COL19A1: variants seen among roughly 807,000 people sequenced by gnomAD.
The protein encoded by COL19A1 is collagen alpha-1(XIX) chain.
A neutral mutation model predicts 190.2 loss-of-function variants in COL19A1; 159 were observed. The ratio of observed to expected loss-of-function variants is 0.84; its 90% CI spans 0.73 to 0.95. COL19A1 has a LOEUF of 0.95. Among genes scored for constraint, COL19A1 ranks in the 40% least tolerant of loss-of-function variants. The pLI, the probability that COL19A1 is intolerant of heterozygous loss-of-function variation, is 0.00. For missense variants in COL19A1, 1,418 were observed against 1,431.9 expected (o/e 0.99, Z 0.16); for synonymous variants, 509 against 458.9 (o/e 1.11, Z -1.39).
At chr6:70,089,671 G>A (rs755764842) in intron 15 of COL19A1, among the ~76,000 whole-genome samples, 2 of 152,138 alleles carry the variant, frequency 1.3e-5, no homozygotes, top group Non-Finnish European at 2.9e-5. Flanking sequence ...GATGACATAT[G>A]CTTCAGACAC....
intron 11 of COL19A1, among the ~76,000 whole-genome samples, chr6:69,999,073 C>T (rs930538370): frequency 1.3e-5 from 2 of 151,464 alleles, no homozygotes; most frequent in African/African-American, 4.9e-5. Flanking sequence ...CACAGGTGCA[C>T]ACCACCACAC....
At chr6:70,179,741 T>C (rs945308510) in intron 42 of COL19A1, among the ~76,000 whole-genome samples, 7 of 152,116 alleles carry the variant, frequency 4.6e-5, no homozygotes, top group Non-Finnish European at 8.8e-5. Context: ...GCTAATATTT[T>C]CAAAAATATT....
At chr6:69,945,548 T>A (rs950406643) in intron 9 of COL19A1, among the ~76,000 whole-genome samples, 1 of 151,930 alleles carries the variant, frequency 6.6e-6, no homozygotes, top group Non-Finnish European at 1.5e-5. Flanking sequence ...TAGTAATAAC[T>A]TTACAGAAGT....
At chr6:70,142,999 C>T (rs761480253) in intron 23 of COL19A1, among the ~76,000 whole-genome samples, 179 bp downstream of exon 23, 2 of 152,118 alleles carry the variant, frequency 1.3e-5, no homozygotes, top group Non-Finnish European at 2.9e-5. Context: ...CTAGACCCTT[C>T]ATATAATCAT....
intron 41 of COL19A1, 94 bp from the exon 42 acceptor site, chr6:70,176,426 C>T (rs1000560480): frequency 7.5e-7 from 1 of 1,336,320 alleles, no homozygotes; most frequent in African/African-American, 1.5e-5. Flanking sequence ...CAAAGGAAAG[C>T]TTTACCAAAT....
chr6:70,052,729 C>T (rs1277565304), intron 14 of COL19A1, among the ~76,000 whole-genome samples: 1 of 152,092 alleles, frequency 6.6e-6, no homozygotes, highest in East Asian at 1.9e-4. Context: ...CCTGAATCCC[C>T]AGTAATGGAT....
At chr6:70,172,989 A>T (rs1277402973) in intron 41 of COL19A1, among the ~76,000 whole-genome samples, 2 of 152,220 alleles carry the variant, frequency 1.3e-5, no homozygotes, top group Non-Finnish European at 2.9e-5. Context: ...TGAAGGTAGC[A>T]CTGATAGGAT....
intron 40 of COL19A1, among the ~76,000 whole-genome samples, chr6:70,171,149 T>C (rs991987177): frequency 2.6e-5 from 4 of 152,172 alleles, no homozygotes; most frequent in African/African-American, 9.7e-5. Context: ...TTAGGAGATC[T>C]TTTTGTGTGT....
At chr6:70,205,429 G>A (rs894009148) in intron 49 of COL19A1, among the ~76,000 whole-genome samples, 2 of 152,190 alleles carry the variant, frequency 1.3e-5, no homozygotes, top group African/African-American at 2.4e-5. Context: ...CTCCTGCCAT[G>A]TTCTACTGTA....
rs1779328836 is a variant in COL19A1, at chr6:70,035,903, G to A, written c.1135-1G>A. 1.2e-6 allele frequency: 2 copies of A among 1,612,992 alleles called. No homozygotes were observed. ...TGTAGCTTTTCTTTAATCTATTTTAGGGAGATACAGGACCCCCAGGACCAC... is the reference window on the plus strand; with the variant it reads ...TGTAGCTTTTCTTTAATCTATTTTAAGGAGATACAGGACCCCCAGGACCAC... On this transcript the variant is annotated splice_acceptor_variant, in intron 13 of 50. Coordinates refer to ENST00000620364, the MANE Select transcript of COL19A1 (RefSeq NM_001858.6). LOFTEE classifies it high-confidence loss of function.
chr6:70,103,124 C>T (rs1178549084), intron 16 of COL19A1, among the ~76,000 whole-genome samples: 1 of 152,140 alleles, frequency 6.6e-6, no homozygotes, highest in Non-Finnish European at 1.5e-5. Flanking sequence ...AGTATCTCCA[C>T]TTGGAAGTCT....
intron 10 of COL19A1, among the ~76,000 whole-genome samples, 174 bp from the exon 11 acceptor site, chr6:69,962,651 GT>G (rs1350071905): frequency 2.6e-5 from 4 of 152,048 alleles, no homozygotes; most frequent in Non-Finnish European, 4.4e-5. Flanking sequence ...TGTTCCTTTA[GT>G]ATTTAGAAAT....
At chr6:70,063,717 G>A (rs12197024) in intron 14 of COL19A1, among the ~76,000 whole-genome samples, 48,292 of 151,742 alleles carry the variant, frequency 0.32, 9,719 homozygotes, top group Non-Finnish European at 0.44. Context: ...AAGATCAACA[G>A]AATTGATAGA....
At chr6:70,074,495 C>A (rs1290863311) in intron 15 of COL19A1, among the ~76,000 whole-genome samples, 2 of 69,082 alleles carry the variant, frequency 2.9e-5, no homozygotes, top group African/African-American at 2.4e-4. Context: ...CAAGACTCCA[C>A]CTCAAAAAAA....
chr6:69,921,053 T>TC lies in COL19A1; in HGVS notation c.267-6856_267-6855insC, dbSNP rs1561996558. Among the ~76,000 whole-genome samples the TC allele has an allele frequency of 3.7e-4, 17 of 45,594 alleles. 1 individual carries two copies. The highest frequency in any genetic ancestry group is 7.3e-4 in the Non-Finnish European group (16 of 21,866). The allele number at this position is 45,594 out of a possible 152,430, so 29.9% of individuals were successfully genotyped here. A position where few individuals can be genotyped will look rare whatever the true frequency, so the allele number is the denominator to read the frequency against. Reference sequence around the variant, plus strand: ...TATATATCATATATATTCATAGACATATCATATATATTCATAGACATATCA... The same window carrying TC: ...TATATATCATATATATTCATAGACATCATCATATATATTCATAGACATATCA... On this transcript the variant is annotated intron_variant, in intron 4 of 50. Transcript: ENST00000620364.
intron 34 of COL19A1, among the ~76,000 whole-genome samples, chr6:70,158,502 C>A (rs1030956888): frequency 2.6e-5 from 4 of 151,996 alleles, no homozygotes; most frequent in Admixed American, 6.6e-5. Context: ...GAGGAGTTGC[C>A]TGCTTGTTTG....
chr6:69,883,567 TA>T (rs1768708388), intron 2 of COL19A1, among the ~76,000 whole-genome samples: 1 of 152,230 alleles, frequency 6.6e-6, no homozygotes, highest in African/African-American at 2.4e-5. Context: ...ATATAAGTTA[TA>T]ACTTGACCAG....
In COL19A1 at chr6:69,927,896, T is replaced by C. The variant is rs1772499657; in HGVS notation, c.267-13T>C. ...CAGTTTCCCCACAAAAGTTCTTTGT[T>C]TTCCTCCCACAGTAAGATATTTCCC... On this transcript the variant is annotated splice_polypyrimidine_tract_variant and intron_variant, in intron 4 of 50. Coordinates refer to ENST00000620364, the MANE Select transcript of COL19A1 (RefSeq NM_001858.6). 3 of 1,586,944 alleles carry C rather than the reference T, an allele frequency of 1.9e-6. No homozygotes were observed. Among genetic ancestry groups the C allele is most frequent in the Non-Finnish European group, 1.7e-6 (2 of 1,163,730 alleles).
In COL19A1 at chr6:69,976,539, G is replaced by T. The variant is rs565591874; in HGVS notation, c.1026+13669G>T. On this transcript the variant is annotated intron_variant, in intron 11 of 50. Coordinates refer to ENST00000620364, the MANE Select transcript of COL19A1 (RefSeq NM_001858.6). ...TGTTTTGTATAGGACCTGTGGGAAG[G>T]AAGAGGAGTGAGTACATAACGCTCC... Among the ~76,000 whole-genome samples the T allele has an allele frequency of 2.6e-5, 4 of 152,268 alleles. No homozygotes were observed. The South Asian group carries it at 6.2e-4, about 24-fold the overall frequency.
Sources: gnomAD v4.1 joint callset for allele counts (sites outside exome capture counted in the v4.1 genomes callset) on GRCh38, gnomAD v4.1.1 for gene constraint, MANE v1.5 for transcripts, NCBI Gene and HGNC (gene_info 2026-07-23, HGNC 2026-07-21) for gene names.